The following FAM53A variants were observed in gnomAD, a reference collection of about 807,000 sequenced individuals.
FAM53A encodes the protein family with sequence similarity 53 member A, also known as protein FAM53A.
In FAM53A, 28 loss-of-function variants were observed where a neutral mutation model predicts 26.6. The ratio of observed to expected loss-of-function variants is 1.05; its 90% CI spans 0.78 to 1.45. The LOEUF (loss-of-function observed/expected upper bound fraction) is 1.45. FAM53A is among the 40% of genes most tolerant of loss of function. FAM53A has a pLI of 0.00. For synonymous variants in FAM53A, 290 were observed against 253.1 expected (o/e 1.15, Z -1.38); for missense variants, 650 against 575.8 (o/e 1.13, Z -1.32).
chr4:1,682,960 C>T (rs2109090083), intron 1 of FAM53A, among the ~76,000 whole-genome samples: 1 of 152,264 alleles, frequency 6.6e-6, no homozygotes, highest in South Asian at 2.1e-4. Context: ...ACACAGAACA[C>T]AACAGAGGGA....
chr4:1,578,964 C>G, the FAM53A span, among the ~76,000 whole-genome samples: 3 of 150,508 alleles, frequency 2.0e-5, no homozygotes, highest in Non-Finnish European at 4.5e-5. Flanking sequence ...CGAGGCAGAG[C>G]AGGCGGGAAA....
chr4:1,648,752 T>C (rs1712466529), intron 4 of FAM53A, among the ~76,000 whole-genome samples: 1 of 152,114 alleles, frequency 6.6e-6, no homozygotes, highest in Admixed American at 6.5e-5. Context: ...TGAGGTTGAG[T>C]CCCAGGAGCA....
chr4:1,682,519 T>TC (rs1715519359), intron 1 of FAM53A, among the ~76,000 whole-genome samples: 1 of 152,012 alleles, frequency 6.6e-6, no homozygotes. Context: ...CCTCGGCCTC[T>TC]CAAAGTGCTG....
the FAM53A span, among the ~76,000 whole-genome samples, chr4:1,606,405 C>T: frequency 2.0e-5 from 3 of 152,060 alleles, no homozygotes; most frequent in African/African-American, 7.2e-5. Flanking sequence ...CACCCCTCCA[C>T]GGTAAGCTCT....
At chr4:1,586,233 G>T in the FAM53A span, among the ~76,000 whole-genome samples, 3 of 151,598 alleles carry the variant, frequency 2.0e-5, no homozygotes, top group Non-Finnish European at 4.4e-5. Context: ...CCCTCTTGTT[G>T]CCCAGGCTGG....
chr4:1,656,766 GC>G (rs987335825), intron 3 of FAM53A, among the ~76,000 whole-genome samples: 1 of 152,146 alleles, frequency 6.6e-6, no homozygotes, highest in Non-Finnish European at 1.5e-5. Flanking sequence ...GTCATCTGGC[GC>G]TCAGCAAGGT....
At chr4:1,616,771 T>C (rs1287835397), downstream of FAM53A, among the ~76,000 whole-genome samples, 1 of 152,158 alleles carries the variant, frequency 6.6e-6, no homozygotes, top group Non-Finnish European at 1.5e-5. Flanking sequence ...AAGCCTTAGT[T>C]ATGTAAGTTT....
intron 4 of FAM53A, among the ~76,000 whole-genome samples, chr4:1,646,105 C>CT (rs776533410): frequency 0.014 from 2,018 of 145,560 alleles, 20 homozygotes; most frequent in Non-Finnish European, 0.017. Context: ...CTCCAGAACT[C>CT]TTTTTTTTTT....
At chr4:1,642,760 C>T (rs1228523132) in intron 4 of FAM53A, among the ~76,000 whole-genome samples, 1 of 152,078 alleles carries the variant, frequency 6.6e-6, no homozygotes, top group Non-Finnish European at 1.5e-5. Flanking sequence ...CTGGGAGCAG[C>T]CTTCCTACCC....
At chr4:1,622,628 G>C (rs1297065795) in intron 1 of FAM53A, among the ~76,000 whole-genome samples, 1 of 152,246 alleles carries the variant, frequency 6.6e-6, no homozygotes, top group East Asian at 1.9e-4. Context: ...TGCCCATTTG[G>C]GGGTCTGGCG....
chr4:1,612,108 T>C, the FAM53A span, among the ~76,000 whole-genome samples: 2 of 152,194 alleles, frequency 1.3e-5, no homozygotes, highest in Non-Finnish European at 1.5e-5. Context: ...AATTTGAACA[T>C]TGCAGACCCA....
Position 1,630,574 on chromosome 4 carries a change from A to G in FAM53A, c.432-12463T>C, listed in dbSNP as rs542689852. Among the ~76,000 whole-genome samples the G allele has an allele frequency of 1.3e-5, 2 of 152,200 alleles. No individual in the cohort carries two copies. The highest frequency in any genetic ancestry group is 2.9e-5 in the Non-Finnish European group (2 of 68,006). Reference sequence around the variant, plus strand: ...GCCCCGTTCAGCCAGTCCGTCCCACACCTGAGGCAGGCTCAGCAATTCCCC... The same window carrying G: ...GCCCCGTTCAGCCAGTCCGTCCCACGCCTGAGGCAGGCTCAGCAATTCCCC... On this transcript the variant is annotated intron_variant, in intron 1 of 1. Transcript: ENST00000489029. This position sits in a 1 kb window ranked among gnomAD's most constrained non-coding sequence, Gnocchi z 4.3.
chr4:1,610,648 C>T, the FAM53A span, among the ~76,000 whole-genome samples: 2 of 149,802 alleles, frequency 1.3e-5, no homozygotes, highest in South Asian at 2.1e-4. Context: ...GATTCCGCGA[C>T]GTGGGGGGCG....
chr4:1,614,902 C>T (rs903691117), downstream of FAM53A, among the ~76,000 whole-genome samples: 7 of 152,306 alleles, frequency 4.6e-5, no homozygotes, highest in South Asian at 6.2e-4. Context: ...CCTATGCTGA[C>T]GGACACCAGA....
the FAM53A span, among the ~76,000 whole-genome samples, chr4:1,584,638 G>A: frequency 0.66 from 100,006 of 152,108 alleles, 33,462 homozygotes; most frequent in East Asian, 0.81. Flanking sequence ...GGCCACTCCC[G>A]TGGCTGGCAA....
chr4:1,672,048 A>AT (rs370044344), intron 1 of FAM53A, among the ~76,000 whole-genome samples: 88,169 of 129,480 alleles, frequency 0.68, 27,373 homozygotes, highest in East Asian at 0.9. Flanking sequence ...TGAACCTCAG[A>AT]ACCCAGGAAC....
At chr4:1,639,540 C>T (rs759308055), downstream of FAM53A, among the ~76,000 whole-genome samples, 1 of 152,172 alleles carries the variant, frequency 6.6e-6, no homozygotes, top group East Asian at 1.9e-4. Context: ...GACAGGAGGG[C>T]TCCTGACCCC....
chr4:1,605,698 G>C, the FAM53A span, among the ~76,000 whole-genome samples: 1 of 151,708 alleles, frequency 6.6e-6, no homozygotes, highest in African/African-American at 2.4e-5. The surrounding 1 kb of genome is among the most constrained non-coding windows in gnomAD (Gnocchi z 5.7). Context: ...CTCTGCCCAC[G>C]TCCTGCACTC....
chr4:1,638,104 C>A (rs902596724), downstream of FAM53A, among the ~76,000 whole-genome samples: 1 of 152,088 alleles, frequency 6.6e-6, no homozygotes, highest in Non-Finnish European at 1.5e-5. Flanking sequence ...AGCATCCACA[C>A]GAGGCAGCAG....
Sources: allele counts gnomAD v4.1 joint callset (sites outside exome capture counted in the v4.1 genomes callset), GRCh38; gene constraint gnomAD v4.1.1; non-coding constraint Gnocchi (gnomAD v3.1); transcripts MANE v1.5; gene names NCBI Gene and HGNC (gene_info 2026-07-23, HGNC 2026-07-21).